Variants in KCNK2 observed in about 807,000 individuals in gnomAD.
KCNK2 encodes potassium channel subfamily K member 2.
A neutral mutation model predicts 40.5 loss-of-function variants in KCNK2; 21 were observed. The observed-to-expected ratio is 0.52, with a 90% confidence interval of 0.37 to 0.75. The LOEUF (loss-of-function observed/expected upper bound fraction) is 0.75, where lower values mean the gene tolerates loss of function less well. Among genes scored for constraint, KCNK2 ranks in the 30% least tolerant of loss-of-function variants. The pLI is 0.00. For synonymous variants in KCNK2, 191 were observed against 202.2 expected (o/e 0.94, Z 0.47); for missense variants, 399 against 531.6 (o/e 0.75, Z 2.45).
intron 1 of KCNK2, 84 bp downstream of exon 1, chr1:215,083,515 C>T (rs1659279539): frequency 2.0e-6 from 2 of 989,548 alleles, no homozygotes; most frequent in Admixed American, 1.7e-5. Context: ...GCAAATGCCC[C>T]CTCTCAGCAA....
chr1:215,230,550 CAT>C (rs1558150369), intron 6 of KCNK2, among the ~76,000 whole-genome samples: 2 of 117,482 alleles, frequency 1.7e-5, no homozygotes, highest in African/African-American at 7.4e-5. Flanking sequence ...TATACACACA[CAT>C]AACAGCCATA....
At chr1:215,154,717 T>A (rs1360033911) in intron 3 of KCNK2, among the ~76,000 whole-genome samples, 2 of 152,196 alleles carry the variant, frequency 1.3e-5, no homozygotes, top group African/African-American at 4.8e-5. Flanking sequence ...GTTTTTGGTC[T>A]TACGTTTAAG....
chr1:215,064,692 C>T (rs1020920114), intron 1 of KCNK2, among the ~76,000 whole-genome samples: 2 of 152,188 alleles, frequency 1.3e-5, no homozygotes, highest in African/African-American at 4.8e-5. Context: ...AGAGTATCGT[C>T]TTCAGGGAGC....
At position 215,205,549 on chromosome 1, in the gene KCNK2, A is replaced by C. The variant is rs568313104; in HGVS notation, c.963+10457A>C. Among the ~76,000 whole-genome samples the C allele has an allele frequency of 5.7e-4, 87 of 152,226 alleles. 1 individual carries two copies. Among genetic ancestry groups the C allele is most frequent in the African/African-American group, 2.0e-3 (82 of 41,548 alleles). On this transcript the variant is annotated intron_variant, in intron 6 of 6. Transcript: ENST00000444842. ...TGAGCCACTGTGTCCGGCTGGGAAG[A>C]AGATTTAATTGCATCTGTGAGTGCC...
intron 5 of KCNK2, among the ~76,000 whole-genome samples, chr1:215,194,174 G>A (rs995376106): frequency 6.6e-6 from 1 of 151,988 alleles, no homozygotes; most frequent in African/African-American, 2.4e-5. Context: ...ATATTAATGG[G>A]GTACTAAACA....
intron 5 of KCNK2, among the ~76,000 whole-genome samples, chr1:215,174,944 T>C (rs1053496605): frequency 6.6e-6 from 1 of 152,128 alleles, no homozygotes; most frequent in African/African-American, 2.4e-5. Context: ...CTTTTCCTAA[T>C]TGAATACCCT....
chr1:215,040,624 A>G (rs1657529878), intron 1 of KCNK2, among the ~76,000 whole-genome samples: 1 of 152,132 alleles, frequency 6.6e-6, no homozygotes. Context: ...CTATCACTAG[A>G]AGTGAAGACT....
intron 3 of KCNK2, among the ~76,000 whole-genome samples, chr1:215,150,941 G>C (rs1229672280): frequency 6.6e-6 from 1 of 151,818 alleles, no homozygotes; most frequent in South Asian, 2.1e-4. Context: ...GATTTTAAGA[G>C]AATTCATCCA....
At chr1:215,049,316 T>G (rs138231985) in intron 1 of KCNK2, among the ~76,000 whole-genome samples, 1 of 152,314 alleles carries the variant, frequency 6.6e-6, no homozygotes, top group African/African-American at 2.4e-5. Context: ...GAAATGTGTT[T>G]TTCCTGTCTT....
At chr1:215,057,907 A>T (rs953189071) in intron 1 of KCNK2, among the ~76,000 whole-genome samples, 1 of 152,082 alleles carries the variant, frequency 6.6e-6, no homozygotes, top group South Asian at 2.1e-4. Flanking sequence ...CAGACAATAA[A>T]TGTGTACCAG....
chr1:215,195,936 T>A (rs1339400115), intron 6 of KCNK2, among the ~76,000 whole-genome samples: 7 of 152,270 alleles, frequency 4.6e-5, no homozygotes, highest in Non-Finnish European at 8.8e-5. Flanking sequence ...TAACTATCTA[T>A]TCCTAGACCA....
At chr1:215,203,995 G>T (rs926378631) in intron 6 of KCNK2, among the ~76,000 whole-genome samples, 1 of 113,668 alleles carries the variant, frequency 8.8e-6, no homozygotes, top group Non-Finnish European at 1.6e-5. Context: ...CCGAGATCGC[G>T]CCACTGCACT....
chr1:215,220,469 C>T (rs1243896023), intron 6 of KCNK2, among the ~76,000 whole-genome samples: 2 of 152,142 alleles, frequency 1.3e-5, no homozygotes, highest in Non-Finnish European at 1.5e-5. Flanking sequence ...CTCTGAAACC[C>T]ACACTCTGCT....
At chr1:215,053,382 C>T (rs998571937) in intron 1 of KCNK2, among the ~76,000 whole-genome samples, 3 of 151,974 alleles carry the variant, frequency 2.0e-5, no homozygotes, top group Admixed American at 6.6e-5. Context: ...GAGGCTCTGG[C>T]GTGGGCTAGG....
intron 6 of KCNK2, among the ~76,000 whole-genome samples, chr1:215,212,678 C>G (rs754528811): frequency 5.3e-5 from 8 of 152,164 alleles, no homozygotes; most frequent in Non-Finnish European, 1.2e-4. Flanking sequence ...GCTAAATAAT[C>G]AACTGCTTCT....
rs143453714 is a variant in KCNK2 at position 215,073,979 on chromosome 1, C to A, written c.35-12389C>A. ...TTAATGAGAAATTCAATACTTCAAG[C>A]CAGATTTTGTTTGTAAAAGTTCCAC... On this transcript the variant is annotated intron_variant, in intron 1 of 6. Coordinates refer to the KCNK2 transcript ENST00000391895. Among the ~76,000 whole-genome samples the A allele has an allele frequency of 5.2e-3, 798 of 152,196 alleles. 4 individuals are homozygous for A. The highest frequency in any genetic ancestry group is 8.8e-3 in the Non-Finnish European group (596 of 68,008).
At chr1:215,170,386 G>T (rs1263721280) in intron 4 of KCNK2, among the ~76,000 whole-genome samples, 1 of 152,136 alleles carries the variant, frequency 6.6e-6, no homozygotes, top group African/African-American at 2.4e-5. Context: ...TGATAAACTT[G>T]AGTTCTTGGA....
chr1:215,119,502 G>A (rs1402836851), intron 2 of KCNK2, among the ~76,000 whole-genome samples: 2 of 152,126 alleles, frequency 1.3e-5, no homozygotes, highest in East Asian at 1.9e-4. Flanking sequence ...ACACTCTTAA[G>A]TGGAACCATG....
chr1:215,151,471 A>C (rs946980665), intron 3 of KCNK2, among the ~76,000 whole-genome samples: 1 of 152,022 alleles, frequency 6.6e-6, no homozygotes, highest in Non-Finnish European at 1.5e-5. Context: ...GCTAATGTGA[A>C]TCTTGATATC....
Sources: gnomAD v4.1 joint callset for allele counts (sites outside exome capture counted in the v4.1 genomes callset) on GRCh38, gnomAD v4.1.1 for gene constraint, MANE v1.5 for transcripts, NCBI Gene and HGNC (gene_info 2026-07-23, HGNC 2026-07-21) for gene names.